Variants in NLGN1 observed in about 807,000 individuals in gnomAD.
The protein encoded by NLGN1 is neuroligin-1.
A neutral mutation model predicts 65.5 loss-of-function variants in NLGN1; 12 were observed. The observed-to-expected ratio is 0.18, with a 90% CI of 0.12 to 0.30. The LOEUF is 0.30. NLGN1 is among the 10% of genes least tolerant of loss of function. NLGN1 has a pLI of 1.00. For missense variants in NLGN1, 750 were observed against 1,007.1 expected (o/e 0.74, Z 3.46); for synonymous variants, 350 against 359.5 (o/e 0.97, Z 0.30).
intron 4 of NLGN1, among the ~76,000 whole-genome samples, chr3:174,142,415 T>C (rs1310353048): frequency 6.6e-6 from 1 of 152,230 alleles, no homozygotes; most frequent in African/African-American, 2.4e-5. Flanking sequence ...ATCACACTTT[T>C]GACCTGATAC....
At chr3:174,252,986 A>G (rs1745045532) in intron 4 of NLGN1, among the ~76,000 whole-genome samples, 2 of 152,336 alleles carry the variant, frequency 1.3e-5, no homozygotes, top group African/African-American at 4.8e-5. Flanking sequence ...TTTCATTAAA[A>G]GATTCCTTTA....
intron 4 of NLGN1, among the ~76,000 whole-genome samples, chr3:173,935,126 CT>C (rs1205103205): frequency 6.6e-6 from 1 of 151,994 alleles, no homozygotes; most frequent in African/African-American, 2.4e-5. Context: ...GTTCTGGAAT[CT>C]TTCTCTTCCT....
At chr3:173,625,884 G>T (rs1435862998) in intron 3 of NLGN1, among the ~76,000 whole-genome samples, 1 of 152,036 alleles carries the variant, frequency 6.6e-6, no homozygotes, top group Non-Finnish European at 1.5e-5. Flanking sequence ...TAAACTTTCT[G>T]TTGGGGTATG....
intron 4 of NLGN1, among the ~76,000 whole-genome samples, chr3:174,011,137 G>C (rs73880304): frequency 0.035 from 5,397 of 152,242 alleles, 332 homozygotes; most frequent in African/African-American, 0.12. Context: ...CAGTCACTGT[G>C]GACAACATAC....
chr3:174,054,670 A>G (rs1408267938), intron 4 of NLGN1, among the ~76,000 whole-genome samples: 2 of 152,022 alleles, frequency 1.3e-5, no homozygotes, highest in East Asian at 1.9e-4. Flanking sequence ...TGACTAGTAC[A>G]CTGCTCATTT....
intron 4 of NLGN1, among the ~76,000 whole-genome samples, chr3:174,196,554 ATCT>A (rs777602484): frequency 3.2e-4 from 48 of 152,206 alleles, no homozygotes; most frequent in Non-Finnish European, 5.7e-4. Flanking sequence ...ATGGCTAATG[ATCT>A]TAACTTTAAT....
intron 2 of NLGN1, among the ~76,000 whole-genome samples, chr3:173,508,001 C>G (rs1351740466): frequency 6.6e-6 from 1 of 152,074 alleles, no homozygotes; most frequent in African/African-American, 2.4e-5. Flanking sequence ...ATATCAGGTA[C>G]CTAATAAATG....
chr3:173,819,409 C>T (rs2150522013), intron 4 of NLGN1, among the ~76,000 whole-genome samples: 1 of 152,266 alleles, frequency 6.6e-6, no homozygotes, highest in Middle Eastern at 3.4e-3. Flanking sequence ...CCACAGTTTT[C>T]CTGTCATTCC....
chr3:173,939,305 A>G (rs375327451), intron 4 of NLGN1, among the ~76,000 whole-genome samples: 4 of 152,282 alleles, frequency 2.6e-5, no homozygotes, highest in East Asian at 1.9e-4. Flanking sequence ...TATCCCTTCA[A>G]CTGAAAAGAA....
chr3:174,019,034 C>G (rs1727201850), intron 4 of NLGN1, among the ~76,000 whole-genome samples: 1 of 152,028 alleles, frequency 6.6e-6, no homozygotes, highest in East Asian at 1.9e-4. Context: ...TAAAAACTTC[C>G]AAGTGTCACA....
chr3:174,125,508 G>C (rs544525676), intron 4 of NLGN1, among the ~76,000 whole-genome samples: 1 of 151,994 alleles, frequency 6.6e-6, no homozygotes, highest in East Asian at 1.9e-4. Context: ...GAGTTTAGGT[G>C]GGGGAGCTGT....
chr3:174,286,219 A>G (rs903201163), exon 7 of NLGN1: 1 of 151,500 alleles, frequency 6.6e-6, no homozygotes, highest in African/African-American at 2.4e-5. Context: ...AGACCCATAT[A>G]CTTACAAATG....
intron 2 of NLGN1, among the ~76,000 whole-genome samples, chr3:173,552,641 C>T (rs1741063400): frequency 6.6e-6 from 1 of 152,060 alleles, no homozygotes; most frequent in Admixed American, 6.6e-5. Flanking sequence ...AGTAGTCTTC[C>T]CACCTCACAG....
chr3:173,827,296 A>G (rs1490997063), intron 4 of NLGN1, among the ~76,000 whole-genome samples: 1 of 152,104 alleles, frequency 6.6e-6, no homozygotes, highest in Non-Finnish European at 1.5e-5. Context: ...GGTTGAGGTA[A>G]AGATTCTAGT....
intron 2 of NLGN1, among the ~76,000 whole-genome samples, chr3:173,545,193 A>T (rs1372126282): frequency 6.6e-6 from 1 of 150,616 alleles, no homozygotes. Flanking sequence ...TCCTGCCTCA[A>T]CCTCCCAAGT....
At chr3:173,482,043 T>G (rs13322353) in intron 2 of NLGN1, among the ~76,000 whole-genome samples, 1,628 of 152,096 alleles carry the variant, frequency 0.011, 30 homozygotes, top group African/African-American at 0.038. Flanking sequence ...CAATTTGTTT[T>G]TCAAATCCCT....
intron 3 of NLGN1, among the ~76,000 whole-genome samples, chr3:173,731,795 G>A (rs2150059198): frequency 6.6e-6 from 1 of 152,146 alleles, no homozygotes; most frequent in Non-Finnish European, 1.5e-5. Context: ...TAAAGGAGAT[G>A]TGCAAAATGA....
intron 3 of NLGN1, among the ~76,000 whole-genome samples, chr3:173,636,683 T>A (rs1198490083): frequency 1.3e-5 from 2 of 152,168 alleles, no homozygotes; most frequent in East Asian, 3.8e-4. Flanking sequence ...CTCTTGGGAC[T>A]ACCTGGGAAA....
At chr3:174,246,032 C>A (rs553174418) in intron 4 of NLGN1, among the ~76,000 whole-genome samples, 1 of 152,186 alleles carries the variant, frequency 6.6e-6, no homozygotes, top group Admixed American at 6.5e-5. Context: ...AGACACATTA[C>A]ATGATCCTTT....
Sources: allele counts gnomAD v4.1 joint callset (sites outside exome capture counted in the v4.1 genomes callset), GRCh38; gene constraint gnomAD v4.1.1; transcripts MANE v1.5; gene names NCBI Gene and HGNC (gene_info 2026-07-23, HGNC 2026-07-21).